The following SPNS2 variants were observed in gnomAD, a reference collection of about 807,000 sequenced individuals.
The protein encoded by SPNS2 is sphingosine-1-phosphate transporter SPNS2.
Under a neutral mutation model 57.6 loss-of-function variants are expected in SPNS2, and 37 were observed. That is an observed-to-expected ratio of 0.64 (90% CI 0.49 to 0.85). The LOEUF (loss-of-function observed/expected upper bound fraction) is 0.85, where lower values mean the gene tolerates loss of function less well. Ranked by LOEUF, SPNS2 falls within the 40% of genes least tolerant of loss-of-function variation. The pLI, the probability that SPNS2 is intolerant of heterozygous loss-of-function variation, is 0.00. For missense variants in SPNS2, 831 were observed against 779.1 expected, an observed-to-expected ratio of 1.07 and a Z score of -0.79; for synonymous variants, 440 against 346.9, an observed-to-expected ratio of 1.27 and a Z score of -2.98.
At position 4,499,993 on chromosome 17, in the gene SPNS2, G is replaced by T. The variant is rs1259212029; in HGVS notation, c.370+576G>T. ...GTGGCTGACAAAGGCTCCGGGCTGC[G>T]GGGAGCGGAGGGAGGGGCGGGGCGG... On this transcript the variant is annotated intron_variant, in intron 1 of 12. Coordinates refer to ENST00000329078, the MANE Select transcript of SPNS2 (RefSeq NM_001124758.3). This position sits in a 1 kb window ranked among gnomAD's most constrained non-coding sequence, Gnocchi z 5.2. Among the ~76,000 whole-genome samples, 1 of 152,196 alleles carries T rather than the reference G, an allele frequency of 6.6e-6. No individual in the cohort carries two copies. The highest frequency in any genetic ancestry group is 1.5e-5 in the Non-Finnish European group (1 of 68,028).
chr17:4,530,661 G>T lies in SPNS2; in HGVS notation c.603G>T (p.Gly201=), dbSNP rs773556619. 3 of 1,613,470 alleles carry T rather than the reference G, an allele frequency of 1.9e-6. No individual in the cohort carries two copies. Among genetic ancestry groups the T allele is most frequent in the Non-Finnish European group, 1.7e-6 (2 of 1,179,832 alleles). Residue 201 remains glycine, a synonymous_variant, in exon 4 of 13, where the codon GGG becomes GGT. Coordinates refer to ENST00000329078, the MANE Select transcript of SPNS2 (RefSeq NM_001124758.3). ...TCTGGCTGCTGGTCCTGTCCCGGGG[G>T]CTGGTGGGCATCGGGGAGGCCAGCT... The part of the protein sequence containing the change: ...QYFWLLVLSR[G]LVGIGEASYS...
chr17:4,537,017 G>C (rs1905875795), intron 12 of SPNS2, 71 bp downstream of exon 12: 2 of 1,544,756 alleles, frequency 1.3e-6, no homozygotes. Context: ...GCAACAGGGA[G>C]CACTTTTCCT....
rs1444969345 is a variant in SPNS2, at chr17:4,499,894, C to CGCGCGCCCCTTGCGGGTGT, written c.370+482_370+500dup. ...CCCCCCTGCGTGCGTGCGGCGAGTG[C>CGCGCGCCCCTTGCGGGTGT]GCGCGCCCCTTGCGGGTGTGCGCTA... On this transcript the variant is annotated intron_variant, in intron 1 of 12. Transcript: ENST00000329078. This position sits in a 1 kb window ranked among gnomAD's most constrained non-coding sequence, Gnocchi z 5.2. Among the ~76,000 whole-genome samples the CGCGCGCCCCTTGCGGGTGT allele has an allele frequency of 3.3e-5, 5 of 152,182 alleles. No homozygotes were observed. The highest frequency in any genetic ancestry group is 1.2e-4 in the African/African-American group (5 of 41,448).
intron 2 of SPNS2, among the ~76,000 whole-genome samples, chr17:4,524,020 G>C (rs1416621992): frequency 6.6e-6 from 1 of 152,228 alleles, no homozygotes; most frequent in Non-Finnish European, 1.5e-5. Context: ...CAAGACGGTA[G>C]AATGGACAGA....
chr17:4,533,762 T>TG, intron 8 of SPNS2, 26 bp from the exon 9 acceptor site: 1 of 1,613,356 alleles, frequency 6.2e-7, no homozygotes. Context: ...GGACCGCTGA[T>TG]GGTGGCTTTG....
intron 3 of SPNS2, among the ~76,000 whole-genome samples, chr17:4,525,755 C>T (rs1023026128): frequency 6.6e-6 from 1 of 152,204 alleles, no homozygotes; most frequent in Non-Finnish European, 1.5e-5. Context: ...GTCTCTGAGC[C>T]TCAGTTTCCT....
intron 1 of SPNS2, among the ~76,000 whole-genome samples, chr17:4,504,456 C>T (rs1367055815): frequency 6.6e-6 from 1 of 152,152 alleles, no homozygotes; most frequent in Non-Finnish European, 1.5e-5. Flanking sequence ...GGTCTGGGGC[C>T]CTGGACCGGT....
intron 9 of SPNS2, among the ~76,000 whole-genome samples, chr17:4,534,172 C>T (rs967244948): frequency 1.1e-4 from 16 of 152,160 alleles, no homozygotes; most frequent in Non-Finnish European, 1.8e-4. Flanking sequence ...CCGCCCTCCT[C>T]CCCCCGCTGG....
chr17:4,513,380 C>T, intron 2 of SPNS2, 68 bp downstream of exon 2: 4 of 1,511,734 alleles, frequency 2.6e-6, no homozygotes, highest in Non-Finnish European at 2.7e-6. Context: ...TCCTGTTGGT[C>T]GTCATCTGCC....
At chr17:4,515,731 C>A (rs188703501) in intron 2 of SPNS2, among the ~76,000 whole-genome samples, 2 of 152,350 alleles carry the variant, frequency 1.3e-5, no homozygotes, top group Non-Finnish European at 2.9e-5. Context: ...AGGGCGCCAG[C>A]CAGGTGTTGG....
In SPNS2 at chr17:4,499,740, G is replaced by C; in HGVS notation, c.370+323G>C. 1.3e-5 allele frequency: 3 copies of C among 229,018 alleles called. No homozygotes were observed. Among genetic ancestry groups the C allele is most frequent in the Non-Finnish European group, 2.6e-5 (3 of 117,396 alleles). The allele number at this position is 229,018 out of a possible 1,614,324, so 14.2% of individuals were successfully genotyped here. On this transcript the variant is annotated intron_variant, in intron 1 of 12. Transcript: ENST00000329078. This position sits in a 1 kb window ranked among gnomAD's most constrained non-coding sequence, Gnocchi z 5.2. ...CCAAGAGTCTCCTCTGCGTCTCTCTGTCTCCTTGTCTCTGCGCCCCCTCCG... is the reference window on the plus strand; with the variant it reads ...CCAAGAGTCTCCTCTGCGTCTCTCTCTCTCCTTGTCTCTGCGCCCCCTCCG...
At position 4,512,020 on chromosome 17, in the gene SPNS2, C is replaced by T. The variant is rs116661840; in HGVS notation, c.371-1227C>T. 7.3e-3 allele frequency among the ~76,000 whole-genome samples: 1,109 copies of T among 152,286 alleles called. 20 individuals are homozygous for T. Among genetic ancestry groups the T allele is most frequent in the African/African-American group, 0.025 (1,055 of 41,542 alleles). ...AGTTTCCTCATCTGTCAACTTGGAT[C>T]CTAGTACCAGCCTCCTAGGGCTGTG... On this transcript the variant is annotated intron_variant, in intron 1 of 12. Transcript: ENST00000329078. This position sits in a 1 kb window ranked among gnomAD's most constrained non-coding sequence, Gnocchi z 5.2.
At position 4,499,908 on chromosome 17, in the gene SPNS2, G is replaced by C. The variant is rs970068354; in HGVS notation, c.370+491G>C. ...TGCGGCGAGTGCGCGCGCCCCTTGCGGGTGTGCGCTAGGGAGACCGGGTGT... is the reference window on the plus strand; with the variant it reads ...TGCGGCGAGTGCGCGCGCCCCTTGCCGGTGTGCGCTAGGGAGACCGGGTGT... On this transcript the variant is annotated intron_variant, in intron 1 of 12. Coordinates refer to ENST00000329078, the MANE Select transcript of SPNS2 (RefSeq NM_001124758.3). The surrounding 1 kb of genome is among the most constrained non-coding windows in gnomAD (Gnocchi z 5.2). 1.3e-5 allele frequency among the ~76,000 whole-genome samples: 2 copies of C among 152,180 alleles called. No individual in the cohort carries two copies. The highest frequency in any genetic ancestry group is 3.2e-3 in the Middle Eastern group (1 of 316).
rs1377918645 is a variant in SPNS2, at chr17:4,499,243, C to T, written c.196C>T (p.Arg66Trp). 7 of 1,467,012 alleles carry T rather than the reference C, an allele frequency of 4.8e-6. 1 individual carries two copies. The South Asian group carries it at 6.5e-5, about 14-fold the overall frequency. The allele number at this position is 1,467,012 out of a possible 1,614,324, so 90.9% of individuals were successfully genotyped here. A position where few individuals can be genotyped will look rare whatever the true frequency, so the allele number is the denominator to read the frequency against. The change falls in exon 1 of 13, where the codon CGG (arginine) becomes TGG (tryptophan). Residue 66 changes from arginine to tryptophan, a missense_variant. By Grantham distance (101) the Arg-to-Trp change is moderately radical. Coordinates refer to ENST00000329078, the MANE Select transcript of SPNS2 (RefSeq NM_001124758.3). This position sits in a 1 kb window ranked among gnomAD's most constrained non-coding sequence, Gnocchi z 5.2. ...EVQTLSGSVR[R>W]APTGPPGTPG... ...GCAGACGCTGTCGGGCAGCGTAAGG[C>T]GGGCCCCGACCGGACCCCCCGGCAC...
intron 2 of SPNS2, 104 bp from the exon 3 acceptor site, chr17:4,524,953 G>A: frequency 6.6e-7 from 1 of 1,509,606 alleles, no homozygotes; most frequent in Non-Finnish European, 8.9e-7. Flanking sequence ...TGCTTCCTTG[G>A]TCCCTTTGCT....
chr17:4,509,860 G>A (rs916573571), intron 1 of SPNS2, among the ~76,000 whole-genome samples: 2 of 152,250 alleles, frequency 1.3e-5, no homozygotes, highest in Non-Finnish European at 2.9e-5. Context: ...GTCTGCATCT[G>A]GGGTAGGAAC....
At chr17:4,520,960 A>G (rs961048668) in intron 2 of SPNS2, among the ~76,000 whole-genome samples, 1 of 152,218 alleles carries the variant, frequency 6.6e-6, no homozygotes, top group Admixed American at 6.5e-5. Flanking sequence ...TGCCTCGTGA[A>G]CCATTATACA....
At chr17:4,518,632 G>A (rs915807156) in intron 2 of SPNS2, among the ~76,000 whole-genome samples, 2 of 152,238 alleles carry the variant, frequency 1.3e-5, no homozygotes, top group Non-Finnish European at 2.9e-5. Context: ...ACTCAGGGCC[G>A]GGGTTTGTAG....
intron 1 of SPNS2, among the ~76,000 whole-genome samples, chr17:4,505,482 G>A (rs993048052): frequency 1.3e-5 from 2 of 152,212 alleles, no homozygotes; most frequent in African/African-American, 4.8e-5. Flanking sequence ...ATGTAGTCAG[G>A]CAGTCCCTGT....
Sources: allele counts gnomAD v4.1 joint callset (sites outside exome capture counted in the v4.1 genomes callset), GRCh38; gene constraint gnomAD v4.1.1; non-coding constraint Gnocchi (gnomAD v3.1); transcripts MANE v1.5; gene names NCBI Gene and HGNC (gene_info 2026-07-23, HGNC 2026-07-21).